UTP20: variants seen among roughly 807,000 people sequenced by gnomAD.
UTP20 encodes UTP20 small subunit processome component, also known as small subunit processome component 20 homolog.
In UTP20, 164 loss-of-function variants were observed where a neutral mutation model predicts 329.5. The ratio of observed to expected loss-of-function variants is 0.50; its 90% confidence interval spans 0.44 to 0.57. The LOEUF (loss-of-function observed/expected upper bound fraction) is 0.57, where lower values mean the gene tolerates loss of function less well. Among genes scored for constraint, UTP20 ranks in the 20% least tolerant of loss-of-function variants. UTP20 has a pLI of 0.00. For synonymous variants in UTP20, 1,151 were observed against 1,159.3 expected, an observed-to-expected ratio of 0.99 and a Z score of 0.14; for missense variants, 3,055 against 3,284.2, an observed-to-expected ratio of 0.93 and a Z score of 1.71.
intron 43 of UTP20, 126 bp downstream of exon 43, chr12:101,357,208 A>C: frequency 1.2e-6 from 1 of 851,262 alleles, no homozygotes; most frequent in East Asian, 2.8e-5. Context: ...CTGAGCAGTA[A>C]TATTCAAAAG....
intron 54 of UTP20, 66 bp from the exon 55 acceptor site, chr12:101,374,742 A>G: frequency 2.5e-6 from 2 of 784,358 alleles, no homozygotes; most frequent in Non-Finnish European, 4.4e-6. Context: ...GCCCACCTTT[A>G]TTTTACAGTT....
At chr12:101,327,691 T>C (rs930060035) in intron 26 of UTP20, among the ~76,000 whole-genome samples, 1 of 152,164 alleles carries the variant, frequency 6.6e-6, no homozygotes, top group African/African-American at 2.4e-5. Context: ...AAGTTAAAAA[T>C]AGAAAAGTAC....
intron 44 of UTP20, among the ~76,000 whole-genome samples, chr12:101,363,290 T>C (rs7956693): frequency 0.13 from 19,842 of 152,256 alleles, 2,941 homozygotes; most frequent in East Asian, 0.46. Flanking sequence ...GAAGTAACTG[T>C]CTGTAAAGTC....
intron 25 of UTP20, among the ~76,000 whole-genome samples, chr12:101,323,546 A>G (rs528455631): frequency 3.9e-5 from 6 of 152,128 alleles, no homozygotes; most frequent in African/African-American, 1.4e-4. Context: ...AAATGATATC[A>G]TGTTGTATGA....
chr12:101,325,708 A>G (rs2137263935), intron 25 of UTP20, among the ~76,000 whole-genome samples: 1 of 152,350 alleles, frequency 6.6e-6, no homozygotes, highest in South Asian at 2.1e-4. Flanking sequence ...CTTATTTGTA[A>G]GACATATACG....
intron 38 of UTP20, among the ~76,000 whole-genome samples, chr12:101,351,166 G>A (rs11110763): frequency 0.13 from 18,913 of 149,748 alleles, 1,389 homozygotes; most frequent in Middle Eastern, 0.24. Context: ...TCACTCTGTC[G>A]CCTAGGGTGG....
chr12:101,290,047 TA>T, intron 6 of UTP20, 89 bp from the exon 7 acceptor site: 1 of 1,027,376 alleles, frequency 9.7e-7, no homozygotes, highest in Non-Finnish European at 1.3e-6. Flanking sequence ...TATATTTAAA[TA>T]ACAATATATA....
chr12:101,353,182 G>A lies in UTP20; in HGVS notation c.5107+53G>A, dbSNP rs1205386683. ...GATTTTCATCTTATTCTTGGATAGT[G>A]TATGGTAATTAATTAAAGATGGTGA... is the stretch of plus-strand genomic sequence containing the variant. On this transcript the variant is annotated intron_variant, in intron 40 of 61. Transcript: ENST00000261637. The A allele has an allele frequency of 3.9e-6, 5 of 1,266,580 alleles. No homozygotes were observed. In the South Asian group the frequency reaches 5.4e-5, roughly 14 times the overall value. 78.5% of individuals were successfully genotyped at this position (1,266,580 alleles called of 1,614,324 possible).
In UTP20 at chr12:101,280,196, G is replaced by A. The variant is rs1871746454; in HGVS notation, c.-87G>A. 3 of 1,505,768 alleles carry A rather than the reference G, an allele frequency of 2.0e-6. No homozygotes were observed. The highest frequency in any genetic ancestry group is 2.5e-5 in the East Asian group (1 of 40,622). 93.3% of individuals were successfully genotyped at this position (1,505,768 alleles called of 1,614,324 possible). ...GGGCATCTGGGAATCGGAGAGTATA[G>A]CCTGTGAGCCGCTTTCCCCTCCTTA... On this transcript the variant is annotated 5_prime_UTR_variant, in exon 1 of 62. Transcript: ENST00000261637.
In UTP20 at chr12:101,281,139, G is replaced by C. The variant is rs1269296183; in HGVS notation, c.69G>C (p.Leu23=). 1 of 1,612,662 alleles carries C rather than the reference G, an allele frequency of 6.2e-7. No individual in the cohort carries two copies. Among genetic ancestry groups the C allele is most frequent in the African/African-American group, 1.3e-5 (1 of 74,860 alleles). The part of the protein sequence containing the change: ...TYRFLTFAER[L]GNVNIDIIHR... ...AGTTTCTTACATTTGCTGAACGACT[G>C]GGGAATGTTAATATTGATATTATTC... Residue 23 remains leucine (L), a synonymous_variant, in exon 2 of 62, where the codon CTG becomes CTC. Coordinates refer to ENST00000261637, the MANE Select transcript of UTP20 (RefSeq NM_014503.3).
At position 101,379,558 on chromosome 12, in the gene UTP20, G is replaced by A; in HGVS notation, c.7584G>A (p.Lys2528=). The change falls in exon 57 of 62, where the codon AAG becomes AAA. Residue 2528 remains lysine (K), a splice_region_variant and synonymous_variant. Coordinates refer to ENST00000261637, the MANE Select transcript of UTP20 (RefSeq NM_014503.3). ...TCCTAGCCAGTGACCTTGACCAAAAGGTAAGCTTTCTCTCAAACCTTTTCC... is the reference window on the plus strand; with the variant it reads ...TCCTAGCCAGTGACCTTGACCAAAAAGTAAGCTTTCTCTCAAACCTTTTCC... ...IKFLASDLDQ[K]MKSISLASCH... is the part of the protein sequence containing the mutation. 6 of 1,607,504 alleles carry A rather than the reference G, an allele frequency of 3.7e-6. No homozygotes were observed. The highest frequency in any genetic ancestry group is 5.1e-6 in the Non-Finnish European group (6 of 1,176,022).
rs750238 is a variant in UTP20, at chr12:101,367,291, A to T, written c.6268-569A>T. 6.3e-3 allele frequency among the ~76,000 whole-genome samples: 966 copies of T among 152,272 alleles called. 12 individuals are homozygous for T. The highest frequency in any genetic ancestry group is 0.022 in the African/African-American group (906 of 41,526). On this transcript the variant is annotated intron_variant, in intron 47 of 61. Coordinates refer to ENST00000261637, the MANE Select transcript of UTP20 (RefSeq NM_014503.3). ...TATAGTGAGACCCTGTCTCTAAAAA[A>T]TAAAAATAAAAATAAAATAAAAGAC...
intron 56 of UTP20, among the ~76,000 whole-genome samples, chr12:101,378,950 T>C (rs935889498): frequency 3.3e-5 from 5 of 152,150 alleles, no homozygotes; most frequent in Admixed American, 3.3e-4. Flanking sequence ...TTTTTCTAAA[T>C]TGATACATAA....
intron 58 of UTP20, among the ~76,000 whole-genome samples, chr12:101,381,756 C>A (rs1201920556): frequency 6.6e-6 from 1 of 151,996 alleles, no homozygotes; most frequent in Non-Finnish European, 1.5e-5. Flanking sequence ...CGGTGACTCA[C>A]GCCTATAATC....
intron 31 of UTP20, among the ~76,000 whole-genome samples, chr12:101,339,159 A>G (rs1016339854): frequency 3.1e-4 from 47 of 152,042 alleles, no homozygotes; most frequent in African/African-American, 1.1e-3. Flanking sequence ...CTAAAAATAC[A>G]AAAGTTAGCT....
At chr12:101,377,350 G>C (rs546410442) in intron 56 of UTP20, among the ~76,000 whole-genome samples, 2 of 150,176 alleles carry the variant, frequency 1.3e-5, no homozygotes, top group South Asian at 4.2e-4. Context: ...TTTTTTTTTT[G>C]AGATGGAGTC....
At chr12:101,291,024 AT>A (rs1872128471) in intron 8 of UTP20, 136 bp downstream of exon 8, 1 of 926,678 alleles carries the variant, frequency 1.1e-6, no homozygotes, top group Non-Finnish European at 1.5e-6. Context: ...ACATATTAAA[AT>A]TTTCCTTCCC....
At chr12:101,310,597 A>AAAG (rs1380114662) in intron 19 of UTP20, among the ~76,000 whole-genome samples, 1 of 150,342 alleles carries the variant, frequency 6.7e-6, no homozygotes, top group African/African-American at 2.5e-5. Context: ...AAAAAAAAAA[A>AAAG]ATACATGTTA....
chr12:101,304,457 G>A (rs1565788686), intron 15 of UTP20, among the ~76,000 whole-genome samples: 1 of 152,212 alleles, frequency 6.6e-6, no homozygotes, highest in African/African-American at 2.4e-5. Context: ...TGTGGGTACT[G>A]TTATCAGTAT....
Sources: allele counts gnomAD v4.1 joint callset (sites outside exome capture counted in the v4.1 genomes callset), GRCh38; gene constraint gnomAD v4.1.1; transcripts MANE v1.5; gene names NCBI Gene and HGNC (gene_info 2026-07-23, HGNC 2026-07-21).